CYREN: variants seen among roughly 807,000 people sequenced by gnomAD.
The protein encoded by CYREN is cell cycle regulator of non-homologous end joining.
Under a neutral mutation model 9.7 loss-of-function variants are expected in CYREN, and 7 were observed. The ratio of observed to expected loss-of-function variants is 0.72; its 90% CI spans 0.41 to 1.36. The LOEUF (loss-of-function observed/expected upper bound fraction) is 1.36, where lower values mean the gene tolerates loss of function less well. Ranked by LOEUF, CYREN falls within the 40% of genes most tolerant of loss-of-function variation. CYREN has a pLI of 0.01. For missense variants in CYREN, 215 were observed against 198.1 expected (o/e 1.09, Z -0.51); for synonymous variants, 76 against 77.9 (o/e 0.98, Z 0.13).
chr7:135,096,584 C>CATACATAGATAG lies in CYREN; in HGVS notation n.357-2003_357-2002insCTATCTATGTAT, dbSNP rs1822811727. ...AGATAGATAGATAGATAGATAGATA[C>CATACATAGATAG]ATAGATAGATAGATAGATAGATAGA... On this transcript the variant is annotated intron_variant and non_coding_transcript_variant, in intron 2 of 2. Coordinates refer to the CYREN transcript ENST00000459937. Among the ~76,000 whole-genome samples the CATACATAGATAG allele has an allele frequency of 1.1e-4, 10 of 88,860 alleles. No individual in the cohort carries two copies. In the East Asian group the frequency reaches 2.2e-3, roughly 20 times the overall value. The allele number at this position is 88,860 out of a possible 152,430, so 58.3% of individuals were successfully genotyped here.
At chr7:135,169,161 G>A (rs546769641) in intron 1 of CYREN, 101 bp from the exon 2 acceptor site, 3 of 390,090 alleles carry the variant, frequency 7.7e-6, no homozygotes, top group South Asian at 7.6e-5. Context: ...AGGCCCAAGA[G>A]ACTCAGACGG....
At chr7:135,128,307 A>C (rs1168636220) in intron 2 of CYREN, 4 of 246,604 alleles carry the variant, frequency 1.6e-5, no homozygotes, top group South Asian at 1.3e-4. Context: ...AAAAAAAAAA[A>C]AAAAAAAAAA....
chr7:135,141,850 G>A (rs909914943), intron 2 of CYREN, among the ~76,000 whole-genome samples: 1 of 152,130 alleles, frequency 6.6e-6, no homozygotes, highest in African/African-American at 2.4e-5. Context: ...CTATGTAATT[G>A]TATGGTTTAG....
intron 2 of CYREN, among the ~76,000 whole-genome samples, chr7:135,096,859 A>G (rs947442189): frequency 2.0e-5 from 3 of 152,220 alleles, no homozygotes; most frequent in Non-Finnish European, 4.4e-5. Flanking sequence ...ATATACAACT[A>G]GGAAGATACG....
At chr7:135,124,709 C>T (rs888650881) in intron 2 of CYREN, among the ~76,000 whole-genome samples, 10 of 152,230 alleles carry the variant, frequency 6.6e-5, no homozygotes, top group Admixed American at 2.0e-4. Context: ...TCTCAGACCA[C>T]AGTGCAATCA....
Position 135,151,305 on chromosome 7 carries a change from C to T in CYREN, n.356+17444G>A, listed in dbSNP as rs1829660461. 6.6e-6 allele frequency among the ~76,000 whole-genome samples: 1 copy of T among 152,190 alleles called. No homozygotes were observed. Among genetic ancestry groups the T allele is most frequent in the South Asian group, 2.1e-4 (1 of 4,826 alleles). ...TTTGAAAAGAATTAGAACCTGGACT[C>T]ATGTTTCTACCAAAGGAAATATGAC... On this transcript the variant is annotated intron_variant and non_coding_transcript_variant, in intron 2 of 2. Transcript: ENST00000459937. The surrounding 1 kb of genome is among the most constrained non-coding windows in gnomAD (Gnocchi z 4.3).
intron 2 of CYREN, among the ~76,000 whole-genome samples, chr7:135,104,247 T>G (rs1221929464): frequency 1.3e-5 from 2 of 152,200 alleles, no homozygotes; most frequent in Non-Finnish European, 2.9e-5. Flanking sequence ...GGACATGATC[T>G]CATTATTTTC....
At chr7:135,108,448 T>C (rs1015608170) in intron 2 of CYREN, among the ~76,000 whole-genome samples, 2 of 152,210 alleles carry the variant, frequency 1.3e-5, no homozygotes, top group Admixed American at 6.5e-5. Context: ...TGGATCTTAT[T>C]TCTCCTTCAC....
At chr7:135,157,507 T>C (rs1216442458) in intron 2 of CYREN, among the ~76,000 whole-genome samples, 1 of 152,230 alleles carries the variant, frequency 6.6e-6, no homozygotes, top group Non-Finnish European at 1.5e-5. Flanking sequence ...CTTACGCTGC[T>C]CTGGTGGTTA....
At chr7:135,095,491 C>T (rs947333774) in intron 2 of CYREN, among the ~76,000 whole-genome samples, 5 of 152,182 alleles carry the variant, frequency 3.3e-5, no homozygotes, top group African/African-American at 7.2e-5. Context: ...AGTCCAATTC[C>T]TTGTCAGATT....
At chr7:135,148,306 A>G (rs1829590658) in intron 2 of CYREN, 54 of 349,468 alleles carry the variant, frequency 1.5e-4, no homozygotes, top group South Asian at 1.2e-3. Context: ...CAGCTTACCC[A>G]GACGTCTACT....
intron 2 of CYREN, among the ~76,000 whole-genome samples, chr7:135,146,346 C>G (rs774102908): frequency 2.2e-4 from 34 of 152,040 alleles, no homozygotes; most frequent in Non-Finnish European, 3.7e-4. Context: ...ATAGTAACAT[C>G]AAAGATCACC....
chr7:135,106,917 C>A (rs1004107282), intron 2 of CYREN, among the ~76,000 whole-genome samples: 13 of 152,070 alleles, frequency 8.5e-5, no homozygotes, highest in Admixed American at 6.6e-5. Flanking sequence ...TTCAGGGAAT[C>A]GATTTCTTCC....
At chr7:135,130,720 C>T (rs560970959) in intron 2 of CYREN, among the ~76,000 whole-genome samples, 9 of 152,126 alleles carry the variant, frequency 5.9e-5, no homozygotes, top group Non-Finnish European at 1.3e-4. Context: ...GTCTATACCA[C>T]TGTAGTTCCA....
At chr7:135,130,760 T>A (rs1828629606) in intron 2 of CYREN, among the ~76,000 whole-genome samples, 1 of 152,158 alleles carries the variant, frequency 6.6e-6, no homozygotes, top group African/African-American at 2.4e-5. Flanking sequence ...TTTTTAAAGG[T>A]CTTCTCTAAC....
chr7:135,127,783 T>C (rs1401631381), intron 2 of CYREN, among the ~76,000 whole-genome samples: 2 of 152,178 alleles, frequency 1.3e-5, no homozygotes, highest in Non-Finnish European at 2.9e-5. Flanking sequence ...CTCAAGGATC[T>C]AGAACCAGAA....
intron 2 of CYREN, among the ~76,000 whole-genome samples, chr7:135,157,817 C>G (rs1223378875): frequency 6.6e-6 from 1 of 152,198 alleles, no homozygotes; most frequent in Non-Finnish European, 1.5e-5. Flanking sequence ...CCCTTTCCTA[C>G]CAGGGTGGCA....
At chr7:135,140,751 T>C (rs1829437569) in intron 2 of CYREN, among the ~76,000 whole-genome samples, 1 of 152,098 alleles carries the variant, frequency 6.6e-6, no homozygotes. Flanking sequence ...CCCTAGTTTG[T>C]TGAGAGTTTT....
rs553354922 is a variant in CYREN, at chr7:135,168,721, A to G, written c.137+65T>C. The G allele has an allele frequency of 1.9e-6, 3 of 1,573,214 alleles. No individual in the cohort carries two copies. In the South Asian group the frequency reaches 3.5e-5, roughly 18 times the overall value. On this transcript the variant is annotated intron_variant, in intron 2 of 3. Transcript: ENST00000393114. ...CTGCCTAGGCTGGAAGACCTGGCCC[A>G]GGTCATGGAGGCCCCTGCTCCACTT... is the stretch of plus-strand genomic sequence containing the variant.
Sources: gnomAD v4.1 joint callset for allele counts (sites outside exome capture counted in the v4.1 genomes callset) on GRCh38, gnomAD v4.1.1 for gene constraint, Gnocchi (gnomAD v3.1) non-coding constraint, MANE v1.5 for transcripts, NCBI Gene and HGNC (gene_info 2026-07-23, HGNC 2026-07-21) for gene names.